Variants in ITPRID2 observed in about 807,000 individuals in gnomAD.
ITPRID2 encodes the protein ITPR interacting domain containing 2.
A neutral mutation model predicts 124.3 loss-of-function variants in ITPRID2; 60 were observed. The ratio of observed to expected loss-of-function variants is 0.48; its 90% CI spans 0.39 to 0.60. The LOEUF (loss-of-function observed/expected upper bound fraction) is 0.60, where lower values mean the gene tolerates loss of function less well. Ranked by LOEUF, ITPRID2 falls within the 20% of genes least tolerant of loss-of-function variation. The pLI, the probability that ITPRID2 is intolerant of heterozygous loss-of-function variation, is 0.00. For synonymous variants in ITPRID2, 521 were observed against 542.9 expected, an observed-to-expected ratio of 0.96 and a Z score of 0.56; for missense variants, 1,553 against 1,512.2, an observed-to-expected ratio of 1.03 and a Z score of -0.45.
chr2:181,897,017 A>G (rs1692257661), intron 4 of ITPRID2, 53 bp downstream of exon 4: 2 of 1,490,046 alleles, frequency 1.3e-6, no homozygotes, highest in South Asian at 2.3e-5. Flanking sequence ...ATTTAAAAAA[A>G]ATGAGAAAGC....
chr2:181,909,642 G>A (rs903033919), intron 8 of ITPRID2, among the ~76,000 whole-genome samples: 4 of 152,126 alleles, frequency 2.6e-5, no homozygotes, highest in Non-Finnish European at 5.9e-5. Flanking sequence ...GCTAGTGCAC[G>A]TCTGATGCAC....
intron 8 of ITPRID2, among the ~76,000 whole-genome samples, chr2:181,903,921 G>A (rs1363774986): frequency 1.3e-5 from 2 of 151,996 alleles, no homozygotes; most frequent in Non-Finnish European, 2.9e-5. Flanking sequence ...ATGACAATTA[G>A]ATATGGCAGT....
At chr2:181,913,968 A>ACTT in intron 10 of ITPRID2, 35 bp downstream of exon 10, 1 of 1,415,184 alleles carries the variant, frequency 7.1e-7, no homozygotes, top group Non-Finnish European at 9.9e-7. Context: ...ACTATGATTA[A>ACTT]CTTCCTCATT....
chr2:181,904,964 G>T (rs1166461729), intron 8 of ITPRID2, among the ~76,000 whole-genome samples: 2 of 152,108 alleles, frequency 1.3e-5, no homozygotes, highest in African/African-American at 4.8e-5. Flanking sequence ...AAAGGAAAAG[G>T]CCAGAGACTT....
In ITPRID2 at chr2:181,909,952, TC is replaced by T; in HGVS notation, c.1468del (p.Thr491ArgfsTer89). On this transcript the variant is annotated frameshift_variant, in exon 9 of 18. Coordinates refer to ENST00000431877, the MANE Select transcript of ITPRID2 (RefSeq NM_001130445.3). LOFTEE classifies it high-confidence loss of function. Reference protein sequence around the residue: ...PHVPATYQLGLTKSKRDHLLR... With the variant: ...PHVPATYQLGXTKSKRDHLLR... ...ATGTTCCAGCCACTTACCAGCTAGG[TC>T]TTACGAAGTCGAAAAGAGGTAAGTG... 6.2e-7 allele frequency: 1 copy of T among 1,613,070 alleles called. No homozygotes were observed. Among genetic ancestry groups the T allele is most frequent in the Non-Finnish European group, 8.5e-7 (1 of 1,179,270 alleles).
chr2:181,908,460 A>G (rs548387799), intron 8 of ITPRID2, among the ~76,000 whole-genome samples: 2 of 152,342 alleles, frequency 1.3e-5, no homozygotes, highest in South Asian at 2.1e-4. Flanking sequence ...TATTGAATAT[A>G]AAAAGAAAAC....
intron 10 of ITPRID2, among the ~76,000 whole-genome samples, chr2:181,914,592 A>G (rs1421372600): frequency 1.3e-5 from 2 of 152,232 alleles, no homozygotes; most frequent in African/African-American, 2.4e-5. Context: ...GATGGAGGAG[A>G]AACTTTCAGA....
chr2:181,918,914 A>G, intron 13 of ITPRID2, 32 bp downstream of exon 13: 1 of 1,601,578 alleles, frequency 6.2e-7, no homozygotes, highest in Middle Eastern at 1.8e-4. Flanking sequence ...GCACACCTCA[A>G]AAAGCTTTTC....
intron 9 of ITPRID2, among the ~76,000 whole-genome samples, chr2:181,913,212 C>T (rs1015121587): frequency 1.3e-5 from 2 of 152,106 alleles, no homozygotes; most frequent in South Asian, 4.1e-4. Context: ...GGACTACAGG[C>T]ACCCGCTACC....
chr2:181,905,189 A>G lies in ITPRID2; in HGVS notation c.1413+2723A>G, dbSNP rs1022257684. Reference sequence around the variant, plus strand: ...CTCAGCTTCCTGAGTAGCTGGGATTACAGGCACATACCACCACAGCCAGCT... The same window carrying G: ...CTCAGCTTCCTGAGTAGCTGGGATTGCAGGCACATACCACCACAGCCAGCT... On this transcript the variant is annotated intron_variant, in intron 8 of 17. Coordinates refer to ENST00000431877, the MANE Select transcript of ITPRID2 (RefSeq NM_001130445.3). The surrounding 1 kb of genome is among the most constrained non-coding windows in gnomAD (Gnocchi z 4.1). Among the ~76,000 whole-genome samples the G allele has an allele frequency of 6.6e-6, 1 of 151,104 alleles. No individual in the cohort carries two copies. The highest frequency in any genetic ancestry group is 2.4e-5 in the African/African-American group (1 of 41,020).
In ITPRID2 at chr2:181,910,558, G is replaced by A. The variant is rs1247009322; in HGVS notation, c.1486+587G>A. The stretch of plus-strand genomic sequence containing the variant: ...AACAACAACAACAACAAAAATGTGT[G>A]ATCTTTGGATTTACAAAACTTTTGA... On this transcript the variant is annotated intron_variant, in intron 9 of 17. Coordinates refer to ENST00000431877, the MANE Select transcript of ITPRID2 (RefSeq NM_001130445.3). This position sits in a 1 kb window ranked among gnomAD's most constrained non-coding sequence, Gnocchi z 4.1. 2 of 678,024 alleles carry A rather than the reference G, an allele frequency of 2.9e-6. No individual in the cohort carries two copies. Among genetic ancestry groups the A allele is most frequent in the Non-Finnish European group, 5.4e-6 (2 of 371,938 alleles). 42.0% of individuals were successfully genotyped at this position (678,024 alleles called of 1,614,324 possible).
intron 8 of ITPRID2, among the ~76,000 whole-genome samples, chr2:181,904,813 G>C (rs1398549907): frequency 1.3e-5 from 2 of 152,160 alleles, no homozygotes; most frequent in Admixed American, 1.3e-4. Context: ...GCATGAAGCT[G>C]CCTAATCCAT....
intron 11 of ITPRID2, 84 bp downstream of exon 11, chr2:181,916,511 C>G: frequency 6.9e-7 from 1 of 1,447,008 alleles, no homozygotes; most frequent in Admixed American, 2.1e-5. Context: ...TAAGGCACAT[C>G]AAGTATGAAC....
At chr2:181,899,172 AT>A in intron 6 of ITPRID2, 60 bp downstream of exon 6, 1 of 1,210,944 alleles carries the variant, frequency 8.3e-7, no homozygotes. Context: ...TACTCTTATC[AT>A]TTTTTCAATC....
rs1313191323 is a variant in ITPRID2 at position 181,899,028 on chromosome 2, C to T, written c.419C>T (p.Ala140Val). The stretch of plus-strand genomic sequence containing the variant: ...TTTGTTCGTAGCAATAATATCTTGG[C>T]CAAAGAGAGAAGATTACAGTTTCAT... ...AQIENCNNILAKERRLQFHQK... is the reference protein window; with the variant it reads ...AQIENCNNILVKERRLQFHQK... The change falls in exon 6 of 18, where the codon GCC becomes GTC. Residue 140 changes from alanine (A) to valine (V), a missense_variant. By Grantham distance (64) the Ala-to-Val change is moderately conservative. Transcript: ENST00000431877. 1.2e-6 allele frequency: 2 copies of T among 1,610,640 alleles called. No individual in the cohort carries two copies. The highest frequency in any genetic ancestry group is 1.7e-6 in the Non-Finnish European group (2 of 1,178,740).
rs1031874580 is a variant in ITPRID2, at chr2:181,910,984, T to C, written c.1486+1013T>C. ...TTTAGATAGGTAGACAGGGGATACA[T>C]TGGAAAAAGCAGCTTGCCATGCATT... On this transcript the variant is annotated intron_variant, in intron 9 of 17. Transcript: ENST00000431877. The surrounding 1 kb of genome is among the most constrained non-coding windows in gnomAD (Gnocchi z 4.1). Among the ~76,000 whole-genome samples the C allele has an allele frequency of 6.6e-6, 1 of 152,148 alleles. No individual in the cohort carries two copies. The highest frequency in any genetic ancestry group is 2.4e-5 in the African/African-American group (1 of 41,444).
intron 2 of ITPRID2, 78 bp from the exon 3 acceptor site, chr2:181,895,951 CT>C (rs767929737): frequency 2.5e-6 from 3 of 1,217,792 alleles, no homozygotes; most frequent in Non-Finnish European, 3.6e-6. Flanking sequence ...AGCTGTAACT[CT>C]TTAAGTAAGG....
rs1356426281 is a variant in ITPRID2 at position 181,919,432 on chromosome 2, T to C, written c.3130T>C (p.Ser1044Pro). The change falls in exon 14 of 18, where the codon TCC (serine) becomes CCC (proline). Residue 1044 changes from serine to proline, a missense_variant. By Grantham distance (74) the Ser-to-Pro change is moderately conservative. Transcript: ENST00000431877. The surrounding 1 kb of genome is among the most constrained non-coding windows in gnomAD (Gnocchi z 4.2). The part of the protein sequence containing the change: ...RAVRMPSPFR[S>P]SALMGMCGSR... ...TGTGCGCATGCCTTCACCCTTCCGC[T>C]CCTCCGCACTCATGGTACGCTACCT... The C allele has an allele frequency of 6.3e-7, 1 of 1,593,612 alleles. No individual in the cohort carries two copies. Among genetic ancestry groups the C allele is most frequent in the South Asian group, 1.1e-5 (1 of 88,684 alleles).
In ITPRID2 at chr2:181,897,701, T is replaced by A. The variant is rs567417205; in HGVS notation, c.364+737T>A. ...GCTCAGTTATTAATGTGTACTTTTTTAAAAAAAACAAGGATTTTTAAAAAG... is the reference window on the plus strand; with the variant it reads ...GCTCAGTTATTAATGTGTACTTTTTAAAAAAAAACAAGGATTTTTAAAAAG... On this transcript the variant is annotated intron_variant, in intron 4 of 17. Coordinates refer to ENST00000431877, the MANE Select transcript of ITPRID2 (RefSeq NM_001130445.3). Among the ~76,000 whole-genome samples, 116 of 151,882 alleles carry A rather than the reference T, an allele frequency of 7.6e-4. 1 individual carries two copies. The highest frequency in any genetic ancestry group is 8.4e-4 in the Non-Finnish European group (57 of 67,766).
Sources: allele counts gnomAD v4.1 joint callset (sites outside exome capture counted in the v4.1 genomes callset), GRCh38; gene constraint gnomAD v4.1.1; non-coding constraint Gnocchi (gnomAD v3.1); transcripts MANE v1.5; gene names NCBI Gene and HGNC (gene_info 2026-07-23, HGNC 2026-07-21).